Variants in PLA2R1 observed in about 807,000 individuals in gnomAD.
The protein encoded by PLA2R1 is phospholipase A2 receptor 1.
PLA2R1 carries 158 observed loss-of-function variants against 195.9 expected under a neutral mutation model. That is an observed-to-expected ratio of 0.81 (90% CI 0.71 to 0.92). PLA2R1 has a LOEUF of 0.92. Among genes scored for constraint, PLA2R1 ranks in the 40% least tolerant of loss-of-function variants. PLA2R1 has a pLI of 0.00. For missense variants in PLA2R1, 1,626 were observed against 1,764.6 expected (o/e 0.92, Z 1.41); for synonymous variants, 586 against 598.2 (o/e 0.98, Z 0.30).
intron 1 of PLA2R1, among the ~76,000 whole-genome samples, chr2:160,046,863 A>G (rs1694905358): frequency 6.6e-6 from 1 of 152,218 alleles, no homozygotes; most frequent in Non-Finnish European, 1.5e-5. Flanking sequence ...TCAATGTGAT[A>G]TGGAGTCCGA....
At chr2:159,956,260 C>A (rs1688077679) in intron 21 of PLA2R1, among the ~76,000 whole-genome samples, 1 of 152,106 alleles carries the variant, frequency 6.6e-6, no homozygotes. Context: ...TGAATATGTC[C>A]TTATTCTTTC....
intron 20 of PLA2R1, among the ~76,000 whole-genome samples, chr2:159,965,331 C>G (rs1010348038): frequency 3.3e-5 from 5 of 152,204 alleles, no homozygotes; most frequent in Non-Finnish European, 7.3e-5. Context: ...ACCTGGCAAC[C>G]ACTGATCTTT....
At position 159,979,855 on chromosome 2, in the gene PLA2R1, G is replaced by A. The variant is rs551685433; in HGVS notation, c.2243C>T (p.Ser748Leu). Reference protein sequence around the residue: ...FNKRNPLNAGSWEWSDRTPVV... With the variant: ...FNKRNPLNAGLWEWSDRTPVV... ...AGGAGTTCTATCAGACCACTCCCAT[G>A]AGCCGGCATTCAGTGGGTTTCTTTT... Residue 748 changes from serine (S) to leucine (L), a missense_variant, in exon 14 of 30, where the codon TCA (serine) becomes TTA (leucine). Physicochemically the swap from Ser to Leu is moderately radical, Grantham distance 145. Coordinates refer to ENST00000283243, the MANE Select transcript of PLA2R1 (RefSeq NM_007366.5). The A allele has an allele frequency of 2.5e-6, 4 of 1,604,416 alleles. No individual in the cohort carries two copies. Among genetic ancestry groups the A allele is most frequent in the South Asian group, 2.2e-5 (2 of 90,754 alleles).
intron 17 of PLA2R1, among the ~76,000 whole-genome samples, chr2:159,973,389 C>G (rs112659172): frequency 4.1e-5 from 6 of 148,026 alleles, no homozygotes; most frequent in African/African-American, 1.5e-4. Context: ...TTTGTGTCCC[C>G]CTAAAATTTA....
intron 6 of PLA2R1, among the ~76,000 whole-genome samples, chr2:160,027,029 A>G (rs935603650): frequency 6.6e-6 from 1 of 152,188 alleles, no homozygotes; most frequent in Non-Finnish European, 1.5e-5. Flanking sequence ...GCTACTCGAG[A>G]GGCTGAGGCA....
intron 13 of PLA2R1, among the ~76,000 whole-genome samples, 177 bp downstream of exon 13, chr2:159,983,751 A>G (rs1032284362): frequency 6.6e-6 from 1 of 152,220 alleles, no homozygotes; most frequent in Non-Finnish European, 1.5e-5. Context: ...TTGTTTTATG[A>G]AATGAGAACC....
Position 159,935,709 on chromosome 2 carries a change from C to CG in PLA2R1, c.*6068_*6069insC, listed in dbSNP as rs1190743757. The CG allele has an allele frequency of 6.6e-6, 1 of 152,088 alleles. No individual in the cohort carries two copies. Among genetic ancestry groups the CG allele is most frequent in the East Asian group, 1.9e-4 (1 of 5,200 alleles). The allele number at this position is 152,088 out of a possible 1,614,324, so 9.4% of individuals were successfully genotyped here. The stretch of plus-strand genomic sequence containing the variant: ...TTAGACCTGCAATCAACCACTTTCT[C>CG]AAGAAGCCTAAGTTCCTTTGACTGG... On this transcript the variant is annotated 3_prime_UTR_variant, in exon 30 of 30. Transcript: ENST00000283243.
At chr2:160,037,838 T>C (rs1694257717) in intron 3 of PLA2R1, among the ~76,000 whole-genome samples, 1 of 152,212 alleles carries the variant, frequency 6.6e-6, no homozygotes, top group Non-Finnish European at 1.5e-5. Flanking sequence ...GGTTTCTCAC[T>C]TGTAATACTG....
chr2:160,021,964 T>C (rs1384241168), intron 7 of PLA2R1, among the ~76,000 whole-genome samples: 1 of 152,084 alleles, frequency 6.6e-6, no homozygotes, highest in Non-Finnish European at 1.5e-5. Flanking sequence ...GGTTCTTTAA[T>C]CCCAAATGCA....
Position 159,987,258 on chromosome 2 carries a change from C to G in PLA2R1, c.1935G>C (p.Gln645His). 1.2e-6 allele frequency: 2 copies of G among 1,613,676 alleles called. No individual in the cohort carries two copies. The highest frequency in any genetic ancestry group is 1.7e-6 in the Non-Finnish European group (2 of 1,179,918). Residue 645 changes from glutamine (Q) to histidine (H), a missense_variant, in exon 12 of 30, where the codon CAG (glutamine) becomes CAC (histidine). Transcript: ENST00000283243. Reference protein sequence around the residue: ...RHFKAMSLCKQPVENQEKAEY... With the variant: ...RHFKAMSLCKHPVENQEKAEY... ...CTGCTTTTTCCTGATTTTCAACTGG[C>G]TGCTTGCACAAGGACATTGCCTTAA...
At chr2:159,974,049 A>T (rs912017074) in intron 17 of PLA2R1, among the ~76,000 whole-genome samples, 4 of 152,160 alleles carry the variant, frequency 2.6e-5, no homozygotes, top group African/African-American at 9.7e-5. Context: ...TTAAGAGGAA[A>T]GGTGAAGACA....
chr2:160,018,509 G>A (rs570287856), intron 8 of PLA2R1, among the ~76,000 whole-genome samples: 15 of 152,320 alleles, frequency 9.8e-5, no homozygotes, highest in African/African-American at 3.4e-4. Flanking sequence ...GTGCAAGCCT[G>A]TAATCCCAGC....
chr2:159,976,918 A>G (rs1689601636), intron 15 of PLA2R1, among the ~76,000 whole-genome samples, 198 bp from the exon 16 acceptor site: 2 of 152,234 alleles, frequency 1.3e-5, no homozygotes, highest in Non-Finnish European at 2.9e-5. Flanking sequence ...CTAATTAAAG[A>G]AGGAAGGACA....
intron 18 of PLA2R1, 112 bp downstream of exon 18, chr2:159,970,036 T>G: frequency 1.5e-6 from 1 of 656,408 alleles, no homozygotes; most frequent in South Asian, 2.0e-5. Flanking sequence ...TGAAAATTTA[T>G]AAGTTAATGT....
intron 12 of PLA2R1, 149 bp downstream of exon 12, chr2:159,987,007 C>T (rs1690392546): frequency 4.9e-6 from 3 of 616,660 alleles, no homozygotes; most frequent in South Asian, 4.1e-5. Context: ...AGGATAGAGA[C>T]AGGCAACAAA....
At chr2:159,999,322 A>G (rs954553598) in intron 11 of PLA2R1, among the ~76,000 whole-genome samples, 1 of 151,920 alleles carries the variant, frequency 6.6e-6, no homozygotes, top group Non-Finnish European at 1.5e-5. Context: ...AGATTATAGC[A>G]ACATGAAGGC....
At chr2:160,028,823 C>T (rs771700920) in intron 5 of PLA2R1, 27 bp downstream of exon 5, 3 of 1,354,950 alleles carry the variant, frequency 2.2e-6, no homozygotes, top group South Asian at 2.3e-5. Flanking sequence ...TGCCACGTGA[C>T]GAAGGCAAAG....
intron 20 of PLA2R1, among the ~76,000 whole-genome samples, chr2:159,963,699 AC>A (rs1688597478): frequency 1.3e-5 from 2 of 152,144 alleles, no homozygotes; most frequent in South Asian, 4.1e-4. Flanking sequence ...ATAACACCTA[AC>A]GTGTTCTAGG....
At chr2:159,947,059 A>C in intron 26 of PLA2R1, 142 bp from the exon 27 acceptor site, 4 of 615,618 alleles carry the variant, frequency 6.5e-6, no homozygotes, top group South Asian at 2.3e-5. Context: ...TTAAATTAAA[A>C]AAGTAAAACC....
Sources: gnomAD v4.1 joint callset for allele counts (sites outside exome capture counted in the v4.1 genomes callset) on GRCh38, gnomAD v4.1.1 for gene constraint, MANE v1.5 for transcripts, NCBI Gene and HGNC (gene_info 2026-07-23, HGNC 2026-07-21) for gene names.